Variants in MYO3B observed in about 807,000 individuals in gnomAD.
The protein encoded by MYO3B is myosin IIIB.
A neutral mutation model predicts 174.6 loss-of-function variants in MYO3B; 156 were observed. The ratio of observed to expected loss-of-function variants is 0.89; its 90% CI spans 0.78 to 1.02. The LOEUF is 1.02. Ranked by LOEUF, MYO3B falls within the 50% of genes least tolerant of loss-of-function variation. MYO3B has a pLI of 0.00. For missense variants in MYO3B, 1,632 were observed against 1,639.4 expected, an observed-to-expected ratio of 1.00 and a Z score of 0.08; for synonymous variants, 563 against 569.1, an observed-to-expected ratio of 0.99 and a Z score of 0.15.
intron 1 of MYO3B, among the ~76,000 whole-genome samples, chr2:170,178,804 T>C (rs16857898): frequency 0.021 from 3,166 of 152,280 alleles, 34 homozygotes; most frequent in Middle Eastern, 0.041. Flanking sequence ...GGTGGGGAAA[T>C]GAAAAATCTG....
chr2:170,575,251 G>T (rs1465141815), intron 32 of MYO3B, among the ~76,000 whole-genome samples: 2 of 152,076 alleles, frequency 1.3e-5, no homozygotes, highest in African/African-American at 4.8e-5. Context: ...TGTTAGGAAA[G>T]AAGTCGAAAA....
chr2:170,634,464 T>C (rs1200691659), intron 32 of MYO3B, among the ~76,000 whole-genome samples: 2 of 147,714 alleles, frequency 1.4e-5, no homozygotes, highest in South Asian at 2.2e-4. Context: ...ATACAAAAAT[T>C]AATTCAAGAT....
At chr2:170,618,959 A>G (rs1045104784) in intron 32 of MYO3B, among the ~76,000 whole-genome samples, 1 of 152,216 alleles carries the variant, frequency 6.6e-6, no homozygotes, top group South Asian at 2.1e-4. Flanking sequence ...TCCATAACCT[A>G]TGATTAGCAA....
intron 16 of MYO3B, among the ~76,000 whole-genome samples, chr2:170,393,892 G>T (rs1384053098): frequency 6.6e-6 from 1 of 152,128 alleles, no homozygotes; most frequent in African/African-American, 2.4e-5. Flanking sequence ...ACAGGTTCTA[G>T]CATTGTTAAA....
intron 16 of MYO3B, among the ~76,000 whole-genome samples, chr2:170,392,768 G>T (rs902687574): frequency 2.6e-5 from 4 of 152,114 alleles, no homozygotes; most frequent in African/African-American, 9.7e-5. Flanking sequence ...ATCAAACTAG[G>T]GGAGCACTGT....
At chr2:170,449,940 G>A (rs1053420552) in intron 23 of MYO3B, among the ~76,000 whole-genome samples, 1 of 152,092 alleles carries the variant, frequency 6.6e-6, no homozygotes, top group African/African-American at 2.4e-5. Context: ...GCATTCAAGA[G>A]AACCCATCAG....
intron 8 of MYO3B, among the ~76,000 whole-genome samples, chr2:170,355,251 C>T (rs1475668844): frequency 6.6e-6 from 1 of 152,206 alleles, no homozygotes; most frequent in African/African-American, 2.4e-5. Context: ...TACATATTAT[C>T]TGACAAGATT....
rs201694505 is a variant in MYO3B, at chr2:170,622,580, TTTA to T, written c.3734-29040_3734-29038del. On this transcript the variant is annotated intron_variant, in intron 32 of 34. Coordinates refer to ENST00000408978, the MANE Select transcript of MYO3B (RefSeq NM_138995.5). ...CATTCTTTTATAATATACATTTTTT[TTTA>T]TTATTATACTTTAAGTTCTAGGGTA... 1.7e-3 allele frequency among the ~76,000 whole-genome samples: 264 copies of T among 152,108 alleles called. 2 individuals carry two copies. The highest frequency in any genetic ancestry group is 5.9e-3 in the African/African-American group (242 of 41,364).
intron 9 of MYO3B, among the ~76,000 whole-genome samples, chr2:170,379,193 A>AG (rs1558941027): frequency 1.5e-5 from 2 of 134,634 alleles, no homozygotes; most frequent in Non-Finnish European, 3.2e-5. Context: ...AATGTGGTAC[A>AG]ATTTTTTTTT....
At chr2:170,402,501 C>T (rs35151861) in intron 18 of MYO3B, among the ~76,000 whole-genome samples, 11,982 of 151,926 alleles carry the variant, frequency 0.079, 515 homozygotes, top group African/African-American at 0.12. Flanking sequence ...AGTACTCTTC[C>T]AGTTATCCTT....
intron 1 of MYO3B, among the ~76,000 whole-genome samples, chr2:170,198,838 G>A (rs2092629441): frequency 8.1e-6 from 1 of 123,762 alleles, no homozygotes. Context: ...AAAGATGTTA[G>A]ACTTAACAGT....
chr2:170,269,614 A>C (rs148111378), intron 7 of MYO3B, among the ~76,000 whole-genome samples: 18 of 152,336 alleles, frequency 1.2e-4, no homozygotes, highest in African/African-American at 4.3e-4. Context: ...ATCTATAGGC[A>C]TGCCACGTAA....
intron 6 of MYO3B, among the ~76,000 whole-genome samples, chr2:170,234,139 C>A (rs2093042786): frequency 7.2e-6 from 1 of 138,652 alleles, no homozygotes; most frequent in Non-Finnish European, 1.5e-5. Flanking sequence ...CCACTGCACT[C>A]CAGCCTGGGC....
At chr2:170,511,079 A>G (rs570811129) in intron 28 of MYO3B, among the ~76,000 whole-genome samples, 4 of 134,400 alleles carry the variant, frequency 3.0e-5, no homozygotes, top group Admixed American at 2.3e-4. Context: ...TTTTTTTTTG[A>G]GACGGAGTCT....
chr2:170,392,207 C>T (rs1422976034), intron 15 of MYO3B, among the ~76,000 whole-genome samples, 174 bp from the exon 16 acceptor site: 1 of 151,702 alleles, frequency 6.6e-6, no homozygotes, highest in Non-Finnish European at 1.5e-5. Context: ...GCAGGAGGAT[C>T]ACTAGAGCCC....
intron 30 of MYO3B, chr2:170,524,754 G>A (rs1475304922): frequency 3.4e-6 from 1 of 296,652 alleles, no homozygotes. Context: ...CAAAGTGCTG[G>A]GATTATAGGC....
chr2:170,375,043 T>TA (rs1180971569), intron 9 of MYO3B, among the ~76,000 whole-genome samples: 4 of 152,200 alleles, frequency 2.6e-5, no homozygotes, highest in African/African-American at 7.2e-5. Context: ...AAAGAAGCCC[T>TA]AAAACTATGT....
intron 32 of MYO3B, among the ~76,000 whole-genome samples, chr2:170,600,672 C>A (rs11893804): frequency 0.21 from 31,809 of 152,040 alleles, 6,042 homozygotes; most frequent in African/African-American, 0.51. Flanking sequence ...GACTAATGTC[C>A]ACAAAAAATT....
chr2:170,601,317 T>C (rs1428547835), intron 32 of MYO3B, among the ~76,000 whole-genome samples: 1 of 152,204 alleles, frequency 6.6e-6, no homozygotes, highest in Non-Finnish European at 1.5e-5. Context: ...ACCATCCCCA[T>C]ATATAACTAA....
Sources: allele counts gnomAD v4.1 joint callset (sites outside exome capture counted in the v4.1 genomes callset), GRCh38; gene constraint gnomAD v4.1.1; transcripts MANE v1.5; gene names NCBI Gene and HGNC (gene_info 2026-07-23, HGNC 2026-07-21).